LYST: variants seen among roughly 807,000 people sequenced by gnomAD.
LYST encodes the protein lysosomal-trafficking regulator.
LYST carries 192 observed loss-of-function variants against 413.6 expected under a neutral mutation model. The observed-to-expected ratio is 0.46, with a 90% CI of 0.41 to 0.52. The LOEUF is 0.52. Ranked by LOEUF, LYST falls within the 20% of genes least tolerant of loss-of-function variation. The pLI is 0.00. For missense variants in LYST, 3,815 were observed against 4,499.9 expected (o/e 0.85, Z 4.35); for synonymous variants, 1,525 against 1,567.3 (o/e 0.97, Z 0.64).
At chr1:235,663,390 G>T (rs1658186176) in intron 52 of LYST, among the ~76,000 whole-genome samples, 1 of 151,316 alleles carries the variant, frequency 6.6e-6, no homozygotes, top group South Asian at 2.1e-4. Context: ...CAAATATTTG[G>T]GTGTACAAAA....
In LYST at chr1:235,674,068, T is replaced by C. The variant is rs965839648; in HGVS notation, c.11038+3023A>G. 6.6e-6 allele frequency among the ~76,000 whole-genome samples: 1 copy of C among 152,152 alleles called. No individual in the cohort carries two copies. Among genetic ancestry groups the C allele is most frequent in the African/African-American group, 2.4e-5 (1 of 41,444 alleles). On this transcript the variant is annotated intron_variant, in intron 50 of 52. Coordinates refer to ENST00000389793, the MANE Select transcript of LYST (RefSeq NM_000081.4). This position sits in a 1 kb window ranked among gnomAD's most constrained non-coding sequence, Gnocchi z 4.1. Reference sequence around the variant, plus strand: ...CGGGGCAATAAGGCATGCCAGTCTCTCGTTACTATTCCCAGAAGTTACAGG... The same window carrying C: ...CGGGGCAATAAGGCATGCCAGTCTCCCGTTACTATTCCCAGAAGTTACAGG...
chr1:235,752,242 A>G, intron 26 of LYST, 71 bp from the exon 27 acceptor site: 1 of 1,146,686 alleles, frequency 8.7e-7, no homozygotes, highest in South Asian at 1.3e-5. Flanking sequence ...AGACACAGCT[A>G]ACTGATTTAA....
chr1:235,710,416 T>C (rs1431381631), intron 43 of LYST, among the ~76,000 whole-genome samples: 1 of 152,074 alleles, frequency 6.6e-6, no homozygotes, highest in Non-Finnish European at 1.5e-5. Context: ...GAATGAGGCA[T>C]CTGGGAATGG....
At chr1:235,663,149 A>G (rs1157444570) in intron 52 of LYST, 71 bp from the exon 53 acceptor site, 1 of 1,069,330 alleles carries the variant, frequency 9.4e-7, no homozygotes, top group East Asian at 2.4e-5. Context: ...TGGTCATCAT[A>G]CTGAGGTTAG....
intron 3 of LYST, among the ~76,000 whole-genome samples, chr1:235,815,754 A>G (rs534506873): frequency 1.2e-3 from 183 of 152,324 alleles, no homozygotes; most frequent in African/African-American, 4.3e-3. Flanking sequence ...CTACAATGAG[A>G]ATTACAAAAC....
intron 1 of LYST, among the ~76,000 whole-genome samples, chr1:235,843,544 A>G (rs1677455681): frequency 6.6e-6 from 1 of 152,184 alleles, no homozygotes. Context: ...AGCTCTATGT[A>G]AATGCTCAGT....
At chr1:235,804,286 T>G (rs1672565887) in intron 7 of LYST, among the ~76,000 whole-genome samples, 1 of 152,206 alleles carries the variant, frequency 6.6e-6, no homozygotes, top group African/African-American at 2.4e-5. Flanking sequence ...AGGAAAAGCT[T>G]ATCATATCAC....
At chr1:235,851,399 G>T (rs1165897508) in intron 1 of LYST, among the ~76,000 whole-genome samples, 3 of 151,088 alleles carry the variant, frequency 2.0e-5, no homozygotes, top group Non-Finnish European at 4.4e-5. Flanking sequence ...TGAGGACTTG[G>T]GGGGAAGAGT....
chr1:235,759,370 C>T lies in LYST; in HGVS notation c.6483G>A (p.Glu2161=). The T allele has an allele frequency of 6.2e-7, 1 of 1,614,158 alleles. No individual in the cohort carries two copies. The highest frequency in any genetic ancestry group is 8.5e-7 in the Non-Finnish European group (1 of 1,180,002). The change falls in exon 23 of 53, where the codon GAG becomes GAA. Residue 2161 remains glutamate, a synonymous_variant. Transcript: ENST00000389793. ...GSSDTLKKGK[E]DAFISSCESA... is the part of the protein sequence containing the mutation. ...ACTCACAGCTACTGATGAATGCGTC[C>T]TCTTTGCCTTTTTTCAGTGTGTCGG...
chr1:235,679,317 C>A (rs1659627561), intron 48 of LYST, among the ~76,000 whole-genome samples: 1 of 152,082 alleles, frequency 6.6e-6, no homozygotes, highest in African/African-American at 2.4e-5. Flanking sequence ...CATTTCAGAT[C>A]ATGCTTTGAG....
chr1:235,685,887 G>A (rs902123970), intron 48 of LYST, among the ~76,000 whole-genome samples: 38 of 151,122 alleles, frequency 2.5e-4, no homozygotes, highest in Non-Finnish European at 4.9e-4. Flanking sequence ...AAAAGAAAAC[G>A]AAGAACCTGG....
In LYST at chr1:235,662,412, G is replaced by A. The variant is rs1347826372; in HGVS notation, c.*528C>T. On this transcript the variant is annotated 3_prime_UTR_variant, in exon 53 of 53. Coordinates refer to ENST00000389793, the MANE Select transcript of LYST (RefSeq NM_000081.4). Reference sequence around the variant, plus strand: ...ATTCCATAAAATATTTGGTACAGAGGCACCTACTGAATAATTTGCTTCTCA... The same window carrying A: ...ATTCCATAAAATATTTGGTACAGAGACACCTACTGAATAATTTGCTTCTCA... 1 of 163,086 alleles carries A rather than the reference G, an allele frequency of 6.1e-6. No homozygotes were observed. Among genetic ancestry groups the A allele is most frequent in the Admixed American group, 5.9e-5 (1 of 17,046 alleles). 10.1% of individuals were successfully genotyped at this position (163,086 alleles called of 1,614,324 possible).
intron 3 of LYST, among the ~76,000 whole-genome samples, chr1:235,816,833 C>T (rs911371552): frequency 4.6e-5 from 7 of 152,140 alleles, no homozygotes; most frequent in African/African-American, 1.7e-4. Flanking sequence ...GGTTTCATGA[C>T]GAAGGATGCC....
chr1:235,811,446 T>C (rs946742441), intron 4 of LYST, among the ~76,000 whole-genome samples: 1 of 152,222 alleles, frequency 6.6e-6, no homozygotes, highest in Non-Finnish European at 1.5e-5. Context: ...GTTTAAATAA[T>C]TCTTTATTCA....
chr1:235,676,365 T>G (rs2103034145), intron 50 of LYST, among the ~76,000 whole-genome samples: 1 of 152,200 alleles, frequency 6.6e-6, no homozygotes, highest in South Asian at 2.1e-4. Context: ...CAAACAAGAA[T>G]GGAGTAGTCA....
chr1:235,793,706 C>A, intron 10 of LYST, 94 bp from the exon 11 acceptor site: 1 of 671,268 alleles, frequency 1.5e-6, no homozygotes, highest in Non-Finnish European at 2.7e-6. Flanking sequence ...ACTATTGTCA[C>A]TTTTTGAATG....
intron 1 of LYST, among the ~76,000 whole-genome samples, chr1:235,848,474 A>G (rs996066068): frequency 1.3e-5 from 2 of 152,124 alleles, no homozygotes; most frequent in Non-Finnish European, 2.9e-5. Context: ...AACTAGAGAA[A>G]CTAGAACAAA....
intron 25 of LYST, among the ~76,000 whole-genome samples, chr1:235,755,171 C>T (rs1189989151): frequency 1.4e-5 from 2 of 147,564 alleles, no homozygotes; most frequent in Admixed American, 6.8e-5. Context: ...AGGCAGATCA[C>T]GAGGTCAGGA....
intron 1 of LYST, among the ~76,000 whole-genome samples, chr1:235,863,731 G>A (rs1475990825): frequency 6.6e-6 from 1 of 152,070 alleles, no homozygotes; most frequent in Non-Finnish European, 1.5e-5. Context: ...GCAGTTTATG[G>A]GTGAAATTTT....
Sources: allele counts gnomAD v4.1 joint callset (sites outside exome capture counted in the v4.1 genomes callset), GRCh38; gene constraint gnomAD v4.1.1; non-coding constraint Gnocchi (gnomAD v3.1); transcripts MANE v1.5; gene names NCBI Gene and HGNC (gene_info 2026-07-23, HGNC 2026-07-21).